Variants in PDGFC observed in about 807,000 individuals in gnomAD.
The protein encoded by PDGFC is platelet-derived growth factor C.
A neutral mutation model predicts 35.5 loss-of-function variants in PDGFC; 12 were observed. The ratio of observed to expected loss-of-function variants is 0.34; its 90% CI spans 0.22 to 0.55. The LOEUF is 0.55. Ranked by LOEUF, PDGFC falls within the 20% of genes least tolerant of loss-of-function variation. The pLI is 0.91. For synonymous variants in PDGFC, 159 were observed against 148.8 expected, an observed-to-expected ratio of 1.07 and a Z score of -0.50; for missense variants, 322 against 412.4, an observed-to-expected ratio of 0.78 and a Z score of 1.90.
chr4:156,921,053 G>A (rs1009917663), intron 1 of PDGFC, among the ~76,000 whole-genome samples: 1 of 152,110 alleles, frequency 6.6e-6, no homozygotes, highest in Non-Finnish European at 1.5e-5. Context: ...AAAAGAATAA[G>A]ACAACCAATA....
intron 1 of PDGFC, among the ~76,000 whole-genome samples, chr4:156,915,165 A>G (rs1053523157): frequency 1.3e-5 from 2 of 152,188 alleles, no homozygotes; most frequent in African/African-American, 4.8e-5. Flanking sequence ...CATTAAATGA[A>G]TCCCCAAAAC....
intron 1 of PDGFC, among the ~76,000 whole-genome samples, chr4:156,912,579 A>G (rs919368272): frequency 4.6e-5 from 7 of 152,120 alleles, no homozygotes; most frequent in Admixed American, 4.6e-4. Flanking sequence ...GGGCAAAGCC[A>G]CAAAAGTATT....
At chr4:156,822,219 C>A (rs1050795866) in intron 2 of PDGFC, among the ~76,000 whole-genome samples, 2 of 151,666 alleles carry the variant, frequency 1.3e-5, no homozygotes, top group African/African-American at 4.8e-5. Flanking sequence ...ATTAGCCGGG[C>A]GTGGTGGTGG....
At chr4:156,896,017 T>C (rs1039939481) in intron 1 of PDGFC, among the ~76,000 whole-genome samples, 3 of 152,122 alleles carry the variant, frequency 2.0e-5, no homozygotes, top group Admixed American at 2.0e-4. Context: ...CTGGAAATGA[T>C]TATATCATTT....
intron 1 of PDGFC, among the ~76,000 whole-genome samples, chr4:156,955,254 C>T (rs986546540): frequency 6.6e-6 from 1 of 152,012 alleles, no homozygotes; most frequent in Non-Finnish European, 1.5e-5. Flanking sequence ...GGCATCTGAA[C>T]GGCTGCAAAT....
At chr4:156,845,364 T>C (rs1360724868) in intron 2 of PDGFC, among the ~76,000 whole-genome samples, 1 of 151,588 alleles carries the variant, frequency 6.6e-6, no homozygotes, top group East Asian at 1.9e-4. Flanking sequence ...ACATAATGAA[T>C]GTAAGAAAAT....
At chr4:156,777,463 T>C (rs1730859630) in intron 3 of PDGFC, among the ~76,000 whole-genome samples, 2 of 152,234 alleles carry the variant, frequency 1.3e-5, no homozygotes, top group South Asian at 2.1e-4. Context: ...TAATCTAACA[T>C]GATTGGTGTT....
intron 3 of PDGFC, among the ~76,000 whole-genome samples, chr4:156,796,870 C>A (rs1731457061): frequency 6.6e-6 from 1 of 152,028 alleles, no homozygotes; most frequent in Admixed American, 6.6e-5. Flanking sequence ...TTACATATAA[C>A]TCTAAGTCAA....
intron 3 of PDGFC, among the ~76,000 whole-genome samples, chr4:156,778,522 T>G (rs912391124): frequency 6.6e-6 from 1 of 152,214 alleles, no homozygotes; most frequent in Non-Finnish European, 1.5e-5. Flanking sequence ...AATCAGTGTT[T>G]TACTGTTTTG....
At chr4:156,879,150 G>A (rs1178216996) in intron 1 of PDGFC, among the ~76,000 whole-genome samples, 1 of 152,040 alleles carries the variant, frequency 6.6e-6, no homozygotes, top group Non-Finnish European at 1.5e-5. Context: ...CCTCCTGGGG[G>A]ATTCTTTATT....
At chr4:156,823,603 T>TG (rs1298635018) in intron 2 of PDGFC, among the ~76,000 whole-genome samples, 2 of 152,224 alleles carry the variant, frequency 1.3e-5, no homozygotes, top group African/African-American at 4.8e-5. Context: ...TGTGAGTTTA[T>TG]GGGGTACAAT....
intron 2 of PDGFC, among the ~76,000 whole-genome samples, chr4:156,818,282 C>T (rs1190211479): frequency 6.6e-6 from 1 of 151,552 alleles, no homozygotes; most frequent in East Asian, 1.9e-4. Context: ...TTATGGCAAC[C>T]CTGTGTGAAA....
intron 1 of PDGFC, among the ~76,000 whole-genome samples, chr4:156,964,713 A>C (rs1430552016): frequency 6.6e-6 from 1 of 152,142 alleles, no homozygotes; most frequent in Non-Finnish European, 1.5e-5. Flanking sequence ...GTATCACCAC[A>C]TTAGCAGTTT....
intron 1 of PDGFC, among the ~76,000 whole-genome samples, chr4:156,929,247 G>C (rs895690348): frequency 6.6e-6 from 1 of 152,004 alleles, no homozygotes; most frequent in African/African-American, 2.4e-5. Flanking sequence ...AATAATAAAA[G>C]TCTTAATCAA....
chr4:156,771,870 G>T (rs1335218905), intron 4 of PDGFC, among the ~76,000 whole-genome samples: 1 of 152,256 alleles, frequency 6.6e-6, no homozygotes, highest in East Asian at 1.9e-4. Context: ...TGAGTGCATT[G>T]TAATTAAACA....
intron 1 of PDGFC, among the ~76,000 whole-genome samples, chr4:156,947,141 A>G (rs1439728383): frequency 1.9e-4 from 29 of 152,012 alleles, no homozygotes; most frequent in Admixed American, 1.7e-3. Flanking sequence ...GCTCCTAAGA[A>G]GTAAACAAGA....
chr4:156,780,110 T>TG (rs1730937424), intron 3 of PDGFC, among the ~76,000 whole-genome samples: 1 of 150,548 alleles, frequency 6.6e-6, no homozygotes, highest in African/African-American at 2.4e-5. Flanking sequence ...AATTAAGGTT[T>TG]TTTTTTTTTT....
intron 1 of PDGFC, chr4:156,861,492 G>A: frequency 1.7e-6 from 2 of 1,209,864 alleles, no homozygotes; most frequent in South Asian, 2.5e-5. Flanking sequence ...GTTCCTACCT[G>A]CCAGTAGATG....
At chr4:156,947,465 T>A (rs1731974861) in intron 1 of PDGFC, among the ~76,000 whole-genome samples, 1 of 151,958 alleles carries the variant, frequency 6.6e-6, no homozygotes, top group African/African-American at 2.4e-5. Flanking sequence ...TAAGTAAACA[T>A]CAAAATGAAG....
Sources: allele counts gnomAD v4.1 joint callset (sites outside exome capture counted in the v4.1 genomes callset), GRCh38; gene constraint gnomAD v4.1.1; transcripts MANE v1.5; gene names NCBI Gene and HGNC (gene_info 2026-07-23, HGNC 2026-07-21).